TBCK: variants seen among roughly 807,000 people sequenced by gnomAD.
TBCK encodes TBC domain-containing protein kinase-like protein.
In TBCK, 99 loss-of-function variants were observed where a neutral mutation model predicts 113.4. That is an observed-to-expected ratio of 0.87 (90% confidence interval 0.74 to 1.03). The LOEUF (loss-of-function observed/expected upper bound fraction) is 1.03. Ranked by LOEUF, TBCK falls within the 50% of genes least tolerant of loss-of-function variation. The pLI is 0.00. For synonymous variants in TBCK, 369 were observed against 370.8 expected (o/e 1.00, Z 0.05); for missense variants, 1,045 against 1,061.3 (o/e 0.98, Z 0.21).
At chr4:106,245,319 A>G (rs371589944) in intron 10 of TBCK, among the ~76,000 whole-genome samples, 40 of 152,290 alleles carry the variant, frequency 2.6e-4, no homozygotes, top group African/African-American at 8.9e-4. Flanking sequence ...TACAATGAGC[A>G]CTGTTCTTAA....
intron 25 of TBCK, among the ~76,000 whole-genome samples, chr4:106,087,124 G>C (rs1384814831): frequency 6.6e-6 from 1 of 152,158 alleles, no homozygotes; most frequent in Admixed American, 6.5e-5. Flanking sequence ...ATTCAAATAG[G>C]AAGAGAGGAA....
At chr4:106,077,089 A>C (rs571415594) in intron 25 of TBCK, among the ~76,000 whole-genome samples, 78 of 152,256 alleles carry the variant, frequency 5.1e-4, no homozygotes, top group Non-Finnish European at 7.5e-4. Flanking sequence ...AGATAGATAG[A>C]GCAAGAGTGT....
chr4:106,174,877 C>G (rs1751460093), intron 22 of TBCK, among the ~76,000 whole-genome samples: 1 of 152,034 alleles, frequency 6.6e-6, no homozygotes, highest in South Asian at 2.1e-4. Flanking sequence ...AATCCTAGCA[C>G]TTTGGGAGGC....
chr4:106,172,611 T>C lies in TBCK; in HGVS notation c.2060-1341A>G, dbSNP rs1041470960. On this transcript the variant is annotated intron_variant, in intron 22 of 25. Transcript: ENST00000394708. ...ACATGTCAGAAAGTGGTAAGTTCTTTTTTTCTCCCCCTCTTTTTGAAATGA... is the reference window on the plus strand; with the variant it reads ...ACATGTCAGAAAGTGGTAAGTTCTTCTTTTCTCCCCCTCTTTTTGAAATGA... 1.3e-5 allele frequency among the ~76,000 whole-genome samples: 2 copies of C among 152,128 alleles called. 1 individual carries two copies. Among genetic ancestry groups the C allele is most frequent in the Admixed American group, 1.3e-4 (2 of 15,262 alleles).
intron 2 of TBCK, among the ~76,000 whole-genome samples, chr4:106,298,344 T>C (rs1434274683): frequency 6.6e-6 from 1 of 151,916 alleles, no homozygotes; most frequent in Non-Finnish European, 1.5e-5. Context: ...CCGGGCACGG[T>C]AGCTCACGCC....
intron 22 of TBCK, among the ~76,000 whole-genome samples, chr4:106,180,931 G>A (rs922757917): frequency 6.6e-6 from 1 of 152,044 alleles, no homozygotes; most frequent in African/African-American, 2.4e-5. Flanking sequence ...GGTATTTCTA[G>A]TTCTAGATCC....
At chr4:106,100,263 T>C (rs1741395968) in intron 24 of TBCK, among the ~76,000 whole-genome samples, 1 of 138,638 alleles carries the variant, frequency 7.2e-6, no homozygotes, top group African/African-American at 2.5e-5. Flanking sequence ...ATAGAATGCT[T>C]AGAACATCAC....
chr4:106,107,726 T>C (rs760747358), intron 24 of TBCK, among the ~76,000 whole-genome samples: 1 of 152,004 alleles, frequency 6.6e-6, no homozygotes. Flanking sequence ...TGGAAAGAAT[T>C]AGAGAAGTGA....
intron 22 of TBCK, chr4:106,182,282 G>T (rs1283092770): frequency 6.6e-6 from 1 of 152,124 alleles, no homozygotes; most frequent in Non-Finnish European, 1.5e-5. Flanking sequence ...AGATGATGGG[G>T]TTTTCTAAAT....
intron 23 of TBCK, among the ~76,000 whole-genome samples, chr4:106,145,963 A>T (rs912447231): frequency 6.6e-6 from 1 of 152,192 alleles, no homozygotes; most frequent in African/African-American, 2.4e-5. Context: ...AAATGAGTCC[A>T]ACCATTGTGG....
chr4:106,099,319 A>T (rs1741281408), intron 24 of TBCK, among the ~76,000 whole-genome samples: 1 of 152,092 alleles, frequency 6.6e-6, no homozygotes, highest in Non-Finnish European at 1.5e-5. Context: ...TGGATGCCAC[A>T]CTTAGTGACA....
chr4:106,157,644 C>T (rs1236313816), intron 23 of TBCK, among the ~76,000 whole-genome samples: 2 of 152,042 alleles, frequency 1.3e-5, no homozygotes, highest in African/African-American at 4.8e-5. Flanking sequence ...GAGTTCAATG[C>T]AATGTCACAA....
At chr4:106,133,134 G>T (rs1320779497) in intron 23 of TBCK, among the ~76,000 whole-genome samples, 1 of 152,112 alleles carries the variant, frequency 6.6e-6, no homozygotes, top group African/African-American at 2.4e-5. Flanking sequence ...AGAATGATAT[G>T]GTTTGGCTGT....
chr4:106,248,855 G>A (rs1761117349), intron 8 of TBCK, 66 bp downstream of exon 8: 2 of 1,310,244 alleles, frequency 1.5e-6, no homozygotes, highest in Middle Eastern at 1.9e-4. Flanking sequence ...GTCTTTATAA[G>A]TTACCCAATA....
intron 23 of TBCK, among the ~76,000 whole-genome samples, chr4:106,159,142 C>A (rs1265102889): frequency 1.3e-5 from 2 of 151,676 alleles, no homozygotes; most frequent in African/African-American, 2.4e-5. Context: ...AAGGAAACTT[C>A]CTCAACACAA....
In TBCK at chr4:106,251,974, T is replaced by C. The variant is rs756256399; in HGVS notation, c.489A>G (p.Ala163=). The C allele has an allele frequency of 6.2e-7, 1 of 1,611,438 alleles. No individual in the cohort carries two copies. ...YPSYLAPEVI[A]QGIFKTTDHM... is the part of the protein sequence containing the mutation. Reference sequence around the variant, plus strand: ...GATCAGTGGTTTTGAAAATTCCCTGTGCAATTACCTCAGGGGCCAAGTACG... The same window carrying C: ...GATCAGTGGTTTTGAAAATTCCCTGCGCAATTACCTCAGGGGCCAAGTACG... Residue 163 remains alanine (A), a synonymous_variant, in exon 6 of 26, where the codon GCA becomes GCG. Transcript: ENST00000394708.
At chr4:106,198,618 G>C (rs1332032176) in intron 20 of TBCK, among the ~76,000 whole-genome samples, 1 of 151,682 alleles carries the variant, frequency 6.6e-6, no homozygotes, top group East Asian at 1.9e-4. Context: ...ACTATGCTTT[G>C]TATCATATAT....
At chr4:106,091,703 T>C (rs1270760422) in intron 25 of TBCK, among the ~76,000 whole-genome samples, 1 of 152,090 alleles carries the variant, frequency 6.6e-6, no homozygotes, top group Non-Finnish European at 1.5e-5. Context: ...TTACAGCTCA[T>C]AAAGGCAGTG....
At chr4:106,102,093 C>T (rs1018968133) in intron 24 of TBCK, among the ~76,000 whole-genome samples, 1 of 152,192 alleles carries the variant, frequency 6.6e-6, no homozygotes, top group Non-Finnish European at 1.5e-5. Context: ...GTGATTTCAA[C>T]AAAAACTGTT....
Sources: gnomAD v4.1 joint callset for allele counts (sites outside exome capture counted in the v4.1 genomes callset) on GRCh38, gnomAD v4.1.1 for gene constraint, MANE v1.5 for transcripts, NCBI Gene and HGNC (gene_info 2026-07-23, HGNC 2026-07-21) for gene names.